Variants in PPP1R12B observed in about 807,000 individuals in gnomAD.
PPP1R12B encodes the protein myosin phosphatase target subunit 2.
Under a neutral mutation model 126.1 loss-of-function variants are expected in PPP1R12B, and 76 were observed. That is an observed-to-expected ratio of 0.60 (90% CI 0.50 to 0.73). The LOEUF (loss-of-function observed/expected upper bound fraction) is 0.73, where lower values mean the gene tolerates loss of function less well. Among genes scored for constraint, PPP1R12B ranks in the 30% least tolerant of loss-of-function variants. PPP1R12B has a pLI of 0.00. For synonymous variants in PPP1R12B, 356 were observed against 434.7 expected (o/e 0.82, Z 2.25); for missense variants, 1,052 against 1,205.1 (o/e 0.87, Z 1.88).
chr1:202,445,052 A>C (rs1672071260), intron 12 of PPP1R12B: 2 of 1,247,174 alleles, frequency 1.6e-6, no homozygotes, highest in Non-Finnish European at 2.0e-6. Context: ...GCAGTGCTTC[A>C]TTTGGTAGAA....
chr1:202,438,804 C>CTTAGT (rs1671195525), intron 10 of PPP1R12B: 2 of 806,500 alleles, frequency 2.5e-6, no homozygotes, highest in Non-Finnish European at 4.4e-6. Context: ...GGCCCTGGAT[C>CTTAGT]TTAGTGTCTA....
At chr1:202,353,586 TTGTGTGTGTGTG>T (rs58683662) in intron 1 of PPP1R12B, among the ~76,000 whole-genome samples, 1,347 of 120,806 alleles carry the variant, frequency 0.011, 27 homozygotes, top group African/African-American at 0.04. Flanking sequence ...TTCTTCTTCT[TTGTGTGTGTGTG>T]TGTGTGTGTG....
chr1:202,442,324 T>C (rs1286659360), intron 11 of PPP1R12B, 123 bp from the exon 12 acceptor site: 15 of 1,116,142 alleles, frequency 1.3e-5, no homozygotes, highest in Non-Finnish European at 1.9e-5. Context: ...CAGAATAACC[T>C]GAAGAATGTG....
intron 18 of PPP1R12B, among the ~76,000 whole-genome samples, chr1:202,528,864 C>A (rs1380195991): frequency 6.6e-6 from 1 of 151,784 alleles, no homozygotes; most frequent in Admixed American, 6.6e-5. Context: ...TATTTGAAAT[C>A]TTAGGCATAG....
chr1:202,349,009 G>C lies in PPP1R12B; in HGVS notation c.158G>C (p.Arg53Thr), dbSNP rs143142145. ...RQPLTRRGSP[R>T]VRFEDGAVFL... is the part of the protein sequence containing the mutation. ...CCGCTGACCAGGCGCGGGAGCCCCA[G>C]GGTCCGCTTCGAGGACGGTGCTGTC... The change falls in exon 1 of 24, where the codon AGG (arginine) becomes ACG (threonine). Residue 53 changes from arginine (R) to threonine (T), a missense_variant. Transcript: ENST00000608999. 2 of 1,609,418 alleles carry C rather than the reference G, an allele frequency of 1.2e-6. No homozygotes were observed. Among genetic ancestry groups the C allele is most frequent in the Admixed American group, 3.4e-5 (2 of 58,838 alleles).
chr1:202,389,868 A>G (rs1481976554), intron 1 of PPP1R12B, among the ~76,000 whole-genome samples: 5 of 150,330 alleles, frequency 3.3e-5, no homozygotes. Context: ...CGGAGGTTGC[A>G]GTGAGCCAAG....
chr1:202,541,027 T>A (rs867362205), intron 18 of PPP1R12B, among the ~76,000 whole-genome samples: 5 of 152,210 alleles, frequency 3.3e-5, no homozygotes, highest in African/African-American at 9.6e-5. Flanking sequence ...GGGAAGCTGA[T>A]AAAAGCAAGA....
intron 13 of PPP1R12B, among the ~76,000 whole-genome samples, chr1:202,476,009 C>T (rs1225109085): frequency 1.3e-5 from 2 of 151,936 alleles, no homozygotes; most frequent in Admixed American, 6.6e-5. Flanking sequence ...AGACCAGTCT[C>T]GCCAACATGG....
At chr1:202,546,119 A>G (rs1572459689) in intron 18 of PPP1R12B, among the ~76,000 whole-genome samples, 1 of 152,342 alleles carries the variant, frequency 6.6e-6, no homozygotes, top group Admixed American at 6.5e-5. Context: ...CTTTGATTGC[A>G]GTATTCCGGG....
chr1:202,394,581 C>T (rs1664653633), intron 1 of PPP1R12B, among the ~76,000 whole-genome samples: 1 of 151,654 alleles, frequency 6.6e-6, no homozygotes, highest in Non-Finnish European at 1.5e-5. Flanking sequence ...ATGGAGAAAC[C>T]CCATCTCTAC....
At chr1:202,462,694 A>C in intron 13 of PPP1R12B, 1 of 907,394 alleles carries the variant, frequency 1.1e-6, no homozygotes, top group Non-Finnish European at 1.3e-6. Flanking sequence ...CCCTCATTCA[A>C]CCCTCCCTTG....
intron 3 of PPP1R12B, among the ~76,000 whole-genome samples, chr1:202,423,877 G>T (rs1263621451): frequency 2.6e-5 from 4 of 152,056 alleles, no homozygotes; most frequent in Non-Finnish European, 5.9e-5. Flanking sequence ...TAGAGACAGG[G>T]TTTCACCATG....
rs1270847230 is a variant in PPP1R12B at position 202,588,153 on chromosome 1, G to A, written c.*7593G>A. On this transcript the variant is annotated 3_prime_UTR_variant, in exon 24 of 24. Coordinates refer to ENST00000608999, the MANE Select transcript of PPP1R12B (RefSeq NM_002481.4). Reference sequence around the variant, plus strand: ...GTCTTTGCCCTGACCTTGATCAACAGGGGTGAAAAGAACCACCCTGAGGTT... The same window carrying A: ...GTCTTTGCCCTGACCTTGATCAACAAGGGTGAAAAGAACCACCCTGAGGTT... The A allele has an allele frequency of 6.6e-6, 1 of 152,600 alleles. No individual in the cohort carries two copies. Among genetic ancestry groups the A allele is most frequent in the Non-Finnish European group, 1.5e-5 (1 of 68,038 alleles). The allele number at this position is 152,600 out of a possible 1,614,324, so 9.5% of individuals were successfully genotyped here.
chr1:202,480,587 G>A (rs1473739325), intron 13 of PPP1R12B, among the ~76,000 whole-genome samples: 1 of 152,096 alleles, frequency 6.6e-6, no homozygotes, highest in Non-Finnish European at 1.5e-5. Flanking sequence ...AAACTTTCAA[G>A]CAGAAATTAG....
At chr1:202,487,852 C>G (rs1460945017) in intron 13 of PPP1R12B, among the ~76,000 whole-genome samples, 1 of 152,116 alleles carries the variant, frequency 6.6e-6, no homozygotes, top group Non-Finnish European at 1.5e-5. Context: ...AGGTGATCCT[C>G]CCACCATGGC....
intron 19 of PPP1R12B, chr1:202,562,572 T>G: frequency 1.4e-6 from 1 of 736,524 alleles, no homozygotes; most frequent in Non-Finnish European, 2.5e-6. Flanking sequence ...CAAATGATGG[T>G]CAGCCTCCCT....
intron 13 of PPP1R12B, among the ~76,000 whole-genome samples, chr1:202,459,980 C>T (rs1441697512): frequency 3.3e-5 from 5 of 152,150 alleles, no homozygotes; most frequent in Non-Finnish European, 7.3e-5. Flanking sequence ...GCAGAAATAC[C>T]AGGGCCAGGC....
rs746834484 is a variant in PPP1R12B at position 202,580,468 on chromosome 1, C to T, written c.2863-6C>T. The T allele has an allele frequency of 2.6e-5, 42 of 1,611,336 alleles. No individual in the cohort carries two copies. The highest frequency in any genetic ancestry group is 3.3e-5 in the Non-Finnish European group (39 of 1,177,602). ...CTAACTCACCTTTCCCTCTGTCACC[C>T]TACAGGTGTTAACAGAACTGAAATC... On this transcript the variant is annotated splice_region_variant and splice_polypyrimidine_tract_variant and intron_variant, in intron 23 of 23. Coordinates refer to ENST00000608999, the MANE Select transcript of PPP1R12B (RefSeq NM_002481.4).
chr1:202,364,750 G>C (rs1658872422), intron 1 of PPP1R12B, among the ~76,000 whole-genome samples: 1 of 152,038 alleles, frequency 6.6e-6, no homozygotes, highest in African/African-American at 2.4e-5. Flanking sequence ...CTAAGTTTTT[G>C]TATTTTTAGT....
Sources: allele counts gnomAD v4.1 joint callset (sites outside exome capture counted in the v4.1 genomes callset), GRCh38; gene constraint gnomAD v4.1.1; transcripts MANE v1.5; gene names NCBI Gene and HGNC (gene_info 2026-07-23, HGNC 2026-07-21).